PRKCB: variants seen among roughly 807,000 people sequenced by gnomAD.
PRKCB encodes protein kinase C beta.
In PRKCB, 13 loss-of-function variants were observed where a neutral mutation model predicts 81.5. The ratio of observed to expected loss-of-function variants is 0.16; its 90% confidence interval spans 0.10 to 0.25. The LOEUF (loss-of-function observed/expected upper bound fraction) is 0.25, where lower values mean the gene tolerates loss of function less well. PRKCB is among the 10% of genes least tolerant of loss of function. The probability of loss-of-function intolerance (pLI) is 1.00; values close to 1 mark genes in which losing one functional copy is unlikely to be tolerated. For synonymous variants in PRKCB, 335 were observed against 321.4 expected, an observed-to-expected ratio of 1.04 and a Z score of -0.45; for missense variants, 509 against 875.7, an observed-to-expected ratio of 0.58 and a Z score of 5.29.
intron 5 of PRKCB, among the ~76,000 whole-genome samples, chr16:24,047,879 G>T (rs1965788393): frequency 1.3e-5 from 2 of 152,188 alleles, no homozygotes; most frequent in African/African-American, 4.8e-5. Context: ...TCTTTCTTGT[G>T]ATCAGAGTTT....
At chr16:24,119,707 C>T (rs1326079653) in intron 8 of PRKCB, among the ~76,000 whole-genome samples, 2 of 152,104 alleles carry the variant, frequency 1.3e-5, no homozygotes, top group African/African-American at 2.4e-5. Flanking sequence ...GGCTTCTGTC[C>T]TACCCTGGCT....
intron 3 of PRKCB, among the ~76,000 whole-genome samples, chr16:24,020,944 C>A (rs1441515443): frequency 6.6e-6 from 1 of 151,164 alleles, no homozygotes; most frequent in Non-Finnish European, 1.5e-5. Flanking sequence ...GGCAAAGCTG[C>A]ACAGCCCATT....
At chr16:24,001,816 C>A (rs569497322) in intron 3 of PRKCB, among the ~76,000 whole-genome samples, 1 of 152,120 alleles carries the variant, frequency 6.6e-6, no homozygotes, top group South Asian at 2.1e-4. Flanking sequence ...TGAGAGAAAT[C>A]CAGCTCAAAT....
chr16:23,951,007 G>A (rs746262492), intron 2 of PRKCB, among the ~76,000 whole-genome samples: 5 of 152,080 alleles, frequency 3.3e-5, no homozygotes, highest in East Asian at 1.9e-4. Context: ...TTATCCTGCC[G>A]GCAGTCATCT....
intron 3 of PRKCB, among the ~76,000 whole-genome samples, chr16:24,023,257 A>T (rs1021385): frequency 6.6e-6 from 1 of 152,102 alleles, no homozygotes; most frequent in East Asian, 1.9e-4. Flanking sequence ...AACCCCATAG[A>T]GGGAGTGATG....
chr16:24,113,506 C>T (rs1488825621), intron 8 of PRKCB, among the ~76,000 whole-genome samples: 2 of 127,528 alleles, frequency 1.6e-5, no homozygotes, highest in African/African-American at 3.6e-5. Flanking sequence ...TCCTCCCTTC[C>T]TTCTTTCCCT....
intron 9 of PRKCB, among the ~76,000 whole-genome samples, chr16:24,147,873 T>C (rs1967018621): frequency 1.3e-5 from 2 of 152,222 alleles, no homozygotes; most frequent in African/African-American, 4.8e-5. Flanking sequence ...ATATTGGAAG[T>C]AATCAGTGGG....
rs532295200 is a variant in PRKCB at position 24,000,182 on chromosome 16, T to G, written c.288+11592T>G. Among the ~76,000 whole-genome samples the G allele has an allele frequency of 2.6e-5, 4 of 152,324 alleles. No individual in the cohort carries two copies. The South Asian group carries it at 8.3e-4, about 32-fold the overall frequency. On this transcript the variant is annotated intron_variant, in intron 3 of 16. Coordinates refer to ENST00000643927, the MANE Select transcript of PRKCB (RefSeq NM_002738.7). ...GAGGAAGTATCTATGGTTAATCTATTGCAGATCCTGTTAACCCAAGAGGCC... is the reference window on the plus strand; with the variant it reads ...GAGGAAGTATCTATGGTTAATCTATGGCAGATCCTGTTAACCCAAGAGGCC...
intron 3 of PRKCB, among the ~76,000 whole-genome samples, chr16:24,001,816 C>T (rs569497322): frequency 1.4e-4 from 22 of 152,120 alleles, no homozygotes; most frequent in Middle Eastern, 3.4e-3. Flanking sequence ...TGAGAGAAAT[C>T]CAGCTCAAAT....
At chr16:23,995,109 A>T (rs1964937325) in intron 3 of PRKCB, among the ~76,000 whole-genome samples, 1 of 152,172 alleles carries the variant, frequency 6.6e-6, no homozygotes, top group African/African-American at 2.4e-5. Context: ...GCATGTTAAG[A>T]TACCCCTTTT....
At chr16:24,132,998 C>T (rs1038278508) in intron 9 of PRKCB, among the ~76,000 whole-genome samples, 1 of 152,114 alleles carries the variant, frequency 6.6e-6, no homozygotes, top group African/African-American at 2.4e-5. Flanking sequence ...CTAGTTTTAA[C>T]AGCGATTCCG....
At chr16:24,151,731 T>A in intron 9 of PRKCB, 1 of 449,648 alleles carries the variant, frequency 2.2e-6, no homozygotes, top group East Asian at 7.0e-5. Flanking sequence ...ATTGTTTGGC[T>A]TTCAAGAGCC....
chr16:24,032,297 GA>G, intron 4 of PRKCB, 50 bp downstream of exon 4: 1 of 1,363,574 alleles, frequency 7.3e-7, no homozygotes, highest in Non-Finnish European at 1.0e-6. Context: ...GAAGCAATGG[GA>G]AGGGCTGCTT....
At chr16:24,138,834 A>T (rs960752242) in intron 9 of PRKCB, among the ~76,000 whole-genome samples, 2 of 148,004 alleles carry the variant, frequency 1.4e-5, no homozygotes, top group Admixed American at 6.7e-5. Flanking sequence ...GTGAGATCAT[A>T]CAGTATTTGT....
At chr16:24,107,900 T>C (rs1449747245) in intron 7 of PRKCB, among the ~76,000 whole-genome samples, 2 of 152,236 alleles carry the variant, frequency 1.3e-5, no homozygotes. Context: ...ATACTCTAGA[T>C]GGTTCACAGT....
At chr16:24,093,423 T>A (rs1036588896) in intron 6 of PRKCB, among the ~76,000 whole-genome samples, 1 of 152,192 alleles carries the variant, frequency 6.6e-6, no homozygotes, top group Non-Finnish European at 1.5e-5. Flanking sequence ...GTCTCTTTCT[T>A]GTACATCTAG....
chr16:24,046,410 A>G (rs1282174088), intron 5 of PRKCB, among the ~76,000 whole-genome samples: 2 of 152,214 alleles, frequency 1.3e-5, no homozygotes, highest in Non-Finnish European at 2.9e-5. Flanking sequence ...GATGAAGAGG[A>G]AGCAAACAAA....
intron 5 of PRKCB, among the ~76,000 whole-genome samples, chr16:24,075,465 T>C (rs1037209189): frequency 6.6e-6 from 1 of 152,148 alleles, no homozygotes; most frequent in Non-Finnish European, 1.5e-5. Context: ...GTGTGGAGAT[T>C]GTTGATTGGT....
chr16:23,901,964 C>A (rs1963481437), intron 2 of PRKCB, among the ~76,000 whole-genome samples: 1 of 151,996 alleles, frequency 6.6e-6, no homozygotes, highest in Non-Finnish European at 1.5e-5. Flanking sequence ...TGGATTGGTA[C>A]CTGGTACACA....
Sources: gnomAD v4.1 joint callset for allele counts (sites outside exome capture counted in the v4.1 genomes callset) on GRCh38, gnomAD v4.1.1 for gene constraint, MANE v1.5 for transcripts, NCBI Gene and HGNC (gene_info 2026-07-23, HGNC 2026-07-21) for gene names.